The following GCNA variants were observed in gnomAD, a reference collection of about 807,000 sequenced individuals.
GCNA encodes the protein germ cell nuclear acidic peptidase.
A neutral mutation model predicts 38.8 loss-of-function variants in GCNA; 3 were observed. That is an observed-to-expected ratio of 0.08 (90% CI 0.04 to 0.20). The LOEUF (loss-of-function observed/expected upper bound fraction) is 0.20, where lower values mean the gene tolerates loss of function less well. Among genes scored for constraint, GCNA ranks in the 10% least tolerant of loss-of-function variants. The pLI is 1.00. For synonymous variants in GCNA, 195 were observed against 240.2 expected, an observed-to-expected ratio of 0.81 and a Z score of 1.74; for missense variants, 446 against 578.6, an observed-to-expected ratio of 0.77 and a Z score of 2.35.
chrX:71,596,123 C>T (rs952861575), intron 6 of GCNA, among the ~76,000 whole-genome samples: 3 of 111,356 alleles, frequency 2.7e-5, no homozygotes, highest in Non-Finnish European at 5.7e-5. Context: ...GGCTGAGGCA[C>T]GAGAATCACT....
chrX:71,589,042 CAA>C (rs1371384220), intron 2 of GCNA, among the ~76,000 whole-genome samples: 2 of 109,741 alleles, frequency 1.8e-5, no homozygotes, highest in African/African-American at 6.6e-5. Flanking sequence ...TTTGTAAAGA[CAA>C]AGAGTCTCGC....
At chrX:71,599,220 C>T (rs1420831422) in intron 7 of GCNA, among the ~76,000 whole-genome samples, 2 of 110,779 alleles carry the variant, frequency 1.8e-5, no homozygotes, top group African/African-American at 3.3e-5. Context: ...TTAGCTAACC[C>T]GGGATATCAG....
chrX:71,612,328 C>T (rs1183429962), intron 11 of GCNA, 27 bp from the exon 12 acceptor site: 4 of 768,751 alleles, frequency 5.2e-6, no homozygotes, highest in Non-Finnish European at 5.7e-6. Flanking sequence ...TTTTAGTGCT[C>T]ACATTTCTTT....
chrX:71,588,060 G>T (rs775853809), intron 2 of GCNA, among the ~76,000 whole-genome samples: 31 of 111,793 alleles, frequency 2.8e-4, no homozygotes, highest in African/African-American at 9.4e-4. Context: ...TTCCTAAATT[G>T]CTGGGATTAC....
Position 71,604,354 on chromosome X carries a change from T to C in GCNA, c.1077T>C (p.Ala359=), listed in dbSNP as rs930866012. 1 of 1,212,195 alleles carries C rather than the reference T, an allele frequency of 8.2e-7. No individual in the cohort carries two copies. The highest frequency in any genetic ancestry group is 1.1e-6 in the Non-Finnish European group (1 of 895,635). The change falls in exon 8 of 13, where the codon GCT becomes GCC. Residue 359 remains alanine, a synonymous_variant. Transcript: ENST00000373696. ...AAGAAGAGCTGGTTGAGGCTGCTGC[T>C]GCTGTCTCCCAGCATGATTCATCTG... ...SDEEELVEAA[A]AVSQHDSSDD...
At chrX:71,581,547 A>G (rs761190390) in intron 2 of GCNA, among the ~76,000 whole-genome samples, 1 of 112,485 alleles carries the variant, frequency 8.9e-6, no homozygotes, top group South Asian at 3.7e-4. Context: ...TAAGTACATA[A>G]GAAAATTTAC....
chrX:71,608,836 C>G (rs1255157158), intron 9 of GCNA, 137 bp from the exon 10 acceptor site: 2 of 745,611 alleles, frequency 2.7e-6, no homozygotes, highest in Admixed American at 4.0e-5. Flanking sequence ...CAAATGAAGG[C>G]TTGGGAAATG....
chrX:71,612,581 T>G (rs922584173), intron 12 of GCNA, 22 bp downstream of exon 12: 1 of 1,182,247 alleles, frequency 8.5e-7, no homozygotes, highest in African/African-American at 1.8e-5. Context: ...CTCAGACTTT[T>G]CCCAGTTACG....
intron 2 of GCNA, 34 bp from the exon 3 acceptor site, chrX:71,592,088 C>T (rs759322734): frequency 1.8e-6 from 2 of 1,126,372 alleles, no homozygotes; most frequent in South Asian, 1.9e-5. Context: ...GTCGATAGCC[C>T]TCCTTTTATA....
intron 9 of GCNA, among the ~76,000 whole-genome samples, chrX:71,606,447 T>C (rs2040769886): frequency 8.9e-6 from 1 of 112,512 alleles, no homozygotes; most frequent in Admixed American, 9.4e-5. Context: ...ATTCCAGGAA[T>C]TTCTTAGTTT....
At chrX:71,593,004 C>T (rs754367455) in intron 4 of GCNA, among the ~76,000 whole-genome samples, 2 of 111,968 alleles carry the variant, frequency 1.8e-5, no homozygotes, top group African/African-American at 6.5e-5. Flanking sequence ...AGTGATTCTT[C>T]TGCCTCAGCC....
At chrX:71,597,094 A>T (rs965584654) in intron 6 of GCNA, among the ~76,000 whole-genome samples, 1 of 110,973 alleles carries the variant, frequency 9.0e-6, no homozygotes, top group African/African-American at 3.3e-5. Context: ...GAGTGAATGG[A>T]AAGGTGAGAC....
chrX:71,580,989 T>G, intron 2 of GCNA, 109 bp downstream of exon 2: 1 of 767,723 alleles, frequency 1.3e-6, no homozygotes, highest in Non-Finnish European at 1.8e-6. Context: ...AGCGTATAAC[T>G]TGGTTTGTTA....
intron 9 of GCNA, among the ~76,000 whole-genome samples, chrX:71,608,151 G>A (rs931551143): frequency 3.6e-5 from 4 of 112,085 alleles, no homozygotes; most frequent in African/African-American, 1.3e-4. Flanking sequence ...AGGCATTAAA[G>A]GGTAGGACAA....
chrX:71,588,602 A>C (rs1402891192), intron 2 of GCNA, among the ~76,000 whole-genome samples: 1 of 111,771 alleles, frequency 8.9e-6, no homozygotes, highest in Non-Finnish European at 1.9e-5. Context: ...CAAGGCTGGC[A>C]GATCACCTGA....
At chrX:71,588,428 G>A (rs752654637) in intron 2 of GCNA, among the ~76,000 whole-genome samples, 2 of 112,303 alleles carry the variant, frequency 1.8e-5, no homozygotes, top group Non-Finnish European at 3.8e-5. Flanking sequence ...CCATTCTTCT[G>A]AGGTAATAAT....
chrX:71,604,377 C>T lies in GCNA; in HGVS notation c.1100C>T (p.Ser367Phe), dbSNP rs778896265. 1.7e-6 allele frequency: 2 copies of T among 1,211,707 alleles called. No individual in the cohort carries two copies. Among genetic ancestry groups the T allele is most frequent in the South Asian group, 3.5e-5 (2 of 56,953 alleles). Residue 367 changes from serine to phenylalanine, a missense_variant, in exon 8 of 13, where the codon TCT (serine) becomes TTT (phenylalanine). Physicochemically the swap from Ser to Phe is radical, Grantham distance 155. Coordinates refer to ENST00000373696, the MANE Select transcript of GCNA (RefSeq NM_052957.5). ...GCTGCTGTCTCCCAGCATGATTCAT[C>T]TGATGATGCTGGTGAGCAGGATCTT... ...AAAAVSQHDSSDDAGEQDLGE... is the reference protein window; with the variant it reads ...AAAAVSQHDSFDDAGEQDLGE...
intron 2 of GCNA, among the ~76,000 whole-genome samples, chrX:71,581,356 GTCT>G (rs2040545310): frequency 8.9e-6 from 1 of 111,864 alleles, no homozygotes; most frequent in African/African-American, 3.3e-5. Context: ...GAGAGACAGG[GTCT>G]GCTCTGTCGC....
chrX:71,595,692 A>G (rs1424285864), intron 6 of GCNA, among the ~76,000 whole-genome samples: 2 of 111,549 alleles, frequency 1.8e-5, no homozygotes, highest in Non-Finnish European at 3.8e-5. Flanking sequence ...TGCTGAAAAA[A>G]ATTGCTGGAG....
Sources: gnomAD v4.1 joint callset for allele counts (sites outside exome capture counted in the v4.1 genomes callset) on GRCh38, gnomAD v4.1.1 for gene constraint, MANE v1.5 for transcripts, NCBI Gene and HGNC (gene_info 2026-07-23, HGNC 2026-07-21) for gene names.